Variants in TMEM108 observed in about 807,000 individuals in gnomAD.
TMEM108 encodes transmembrane protein 108.
TMEM108 carries 12 observed loss-of-function variants against 35.1 expected under a neutral mutation model. The ratio of observed to expected loss-of-function variants is 0.34; its 90% CI spans 0.22 to 0.55. The LOEUF (loss-of-function observed/expected upper bound fraction) is 0.55. TMEM108 is among the 20% of genes least tolerant of loss of function. The probability of loss-of-function intolerance (pLI) is 0.89; values close to 1 mark genes in which losing one functional copy is unlikely to be tolerated. For missense variants in TMEM108, 680 were observed against 753.3 expected, an observed-to-expected ratio of 0.90 and a Z score of 1.14; for synonymous variants, 287 against 308.6, an observed-to-expected ratio of 0.93 and a Z score of 0.73.
chr3:133,158,938 T>G (rs1314899434), intron 2 of TMEM108, among the ~76,000 whole-genome samples: 3 of 152,112 alleles, frequency 2.0e-5, no homozygotes, highest in African/African-American at 7.2e-5. Flanking sequence ...TCAGGCCATG[T>G]ATATGTGTTT....
chr3:133,227,211 T>C (rs1317407683), intron 2 of TMEM108, among the ~76,000 whole-genome samples: 1 of 66,600 alleles, frequency 1.5e-5, no homozygotes, highest in Non-Finnish European at 2.9e-5. Context: ...TTTTTTTTTT[T>C]TGAGACAGAG....
intron 3 of TMEM108, among the ~76,000 whole-genome samples, chr3:133,260,559 T>C (rs151247253): frequency 7.1e-4 from 108 of 152,236 alleles, no homozygotes; most frequent in African/African-American, 2.5e-3. Flanking sequence ...GGTCAGAGCA[T>C]AGTGGTGAGA....
chr3:133,109,051 A>G (rs1420057720), intron 2 of TMEM108, among the ~76,000 whole-genome samples: 3 of 152,146 alleles, frequency 2.0e-5, no homozygotes, highest in African/African-American at 7.2e-5. Flanking sequence ...TTGGCCTTGC[A>G]GGTGACCTCA....
At chr3:133,369,286 A>G (rs142470694) in intron 3 of TMEM108, among the ~76,000 whole-genome samples, 8 of 152,306 alleles carry the variant, frequency 5.3e-5, no homozygotes, top group Middle Eastern at 3.4e-3. Flanking sequence ...GAGACAGTCA[A>G]GTTGGGTTTT....
chr3:133,198,482 C>A (rs961197890), intron 2 of TMEM108, among the ~76,000 whole-genome samples: 4 of 152,184 alleles, frequency 2.6e-5, no homozygotes, highest in African/African-American at 9.7e-5. Context: ...TTGAATAATT[C>A]TACTGACTGA....
intron 2 of TMEM108, among the ~76,000 whole-genome samples, chr3:133,099,975 C>T (rs934960959): frequency 6.6e-6 from 1 of 152,138 alleles, no homozygotes. Flanking sequence ...AACACCTACT[C>T]CTGGTACTAA....
rs192003959 is a variant in TMEM108, at chr3:133,182,527, G to A, written c.-46-46739G>A. Among the ~76,000 whole-genome samples the A allele has an allele frequency of 4.7e-4, 72 of 152,250 alleles. 1 individual carries two copies. The highest frequency in any genetic ancestry group is 3.4e-3 in the Middle Eastern group (1 of 294). On this transcript the variant is annotated intron_variant, in intron 2 of 5. Transcript: ENST00000321871. ...GATAGTATACTGATGTCACGTTGAG[G>A]TCTTTATGTCTGCTGGTTTGAAGGT... is the stretch of plus-strand genomic sequence containing the variant.
At position 133,380,139 on chromosome 3, in the gene TMEM108, T is replaced by C. The variant is rs747897988; in HGVS notation, c.428T>C (p.Leu143Pro). The stretch of plus-strand genomic sequence containing the variant: ...GGGCAGGCTGCCCCCACCATCCTGC[T>C]GACAAAGCCACCGGGGGCCACCAGC... Reference protein sequence around the residue: ...PRGQAAPTILLTKPPGATSRP... With the variant: ...PRGQAAPTILPTKPPGATSRP... Residue 143 changes from leucine (L) to proline (P), a missense_variant, in exon 4 of 6, where the codon CTG becomes CCG. Leu to Pro is a moderately conservative substitution (Grantham distance 98). Coordinates refer to ENST00000321871, the MANE Select transcript of TMEM108 (RefSeq NM_023943.4). This position sits in a 1 kb window ranked among gnomAD's most constrained non-coding sequence, Gnocchi z 5.3. The C allele has an allele frequency of 5.0e-6, 8 of 1,613,582 alleles. No homozygotes were observed. The Admixed American group carries it at 1.2e-4, about 24-fold the overall frequency.
At chr3:133,298,072 T>A (rs1274630892) in intron 3 of TMEM108, among the ~76,000 whole-genome samples, 1 of 152,156 alleles carries the variant, frequency 6.6e-6, no homozygotes, top group Non-Finnish European at 1.5e-5. Context: ...CCTCCCCTGA[T>A]GAGCCACGCT....
At chr3:133,066,346 A>G (rs1202132871) in intron 2 of TMEM108, among the ~76,000 whole-genome samples, 3 of 152,132 alleles carry the variant, frequency 2.0e-5, no homozygotes, top group Non-Finnish European at 4.4e-5. Flanking sequence ...TTTATTTTAT[A>G]CCTTGTTCTA....
intron 3 of TMEM108, among the ~76,000 whole-genome samples, chr3:133,236,488 C>G (rs1026137276): frequency 1.3e-5 from 2 of 152,218 alleles, no homozygotes; most frequent in African/African-American, 4.8e-5. Flanking sequence ...CACAAACACA[C>G]ACACACAAAT....
At chr3:133,386,702 C>G in intron 4 of TMEM108, 2 of 1,382,252 alleles carry the variant, frequency 1.4e-6, no homozygotes, top group Non-Finnish European at 1.9e-6. Context: ...GGAAAGGGAA[C>G]AGTTAACATC....
intron 3 of TMEM108, among the ~76,000 whole-genome samples, chr3:133,286,292 A>G (rs1330362638): frequency 6.6e-6 from 1 of 152,212 alleles, no homozygotes; most frequent in East Asian, 1.9e-4. Flanking sequence ...GAAGCAGCAA[A>G]GAATCTGTGG....
At chr3:133,334,574 C>G (rs934618154) in intron 3 of TMEM108, among the ~76,000 whole-genome samples, 10 of 152,018 alleles carry the variant, frequency 6.6e-5, no homozygotes, top group African/African-American at 2.4e-4. Context: ...GGTTATGGTC[C>G]TTGGAGAGAA....
intron 2 of TMEM108, among the ~76,000 whole-genome samples, chr3:133,205,880 TC>T (rs1382042817): frequency 6.6e-6 from 1 of 152,204 alleles, no homozygotes; most frequent in Non-Finnish European, 1.5e-5. Flanking sequence ...CTGGATAATA[TC>T]CTGAAGAGTG....
chr3:133,315,798 C>G (rs2071191802), intron 3 of TMEM108, among the ~76,000 whole-genome samples: 1 of 152,158 alleles, frequency 6.6e-6, no homozygotes, highest in South Asian at 2.1e-4. Context: ...AATGGACAAC[C>G]CCTACAAATA....
intron 2 of TMEM108, among the ~76,000 whole-genome samples, chr3:133,154,796 G>A (rs1157667031): frequency 1.3e-5 from 2 of 152,034 alleles, no homozygotes; most frequent in Admixed American, 6.6e-5. Flanking sequence ...CACCAACATG[G>A]CACATGTATA....
chr3:133,305,538 A>ATAAAT lies in TMEM108; in HGVS notation c.41-74214_41-74213insTAAAT, dbSNP rs78637267. On this transcript the variant is annotated intron_variant, in intron 3 of 5. Coordinates refer to ENST00000321871, the MANE Select transcript of TMEM108 (RefSeq NM_023943.4). ...ATAAAATAAATAAATAAATAAATAA[A>ATAAAT]AGAAAGATGCCTATGAATATTCATA... 1.1e-3 allele frequency among the ~76,000 whole-genome samples: 170 copies of ATAAAT among 151,876 alleles called. No homozygotes were observed. In the East Asian group the frequency reaches 0.022, roughly 19 times the overall value.
intron 2 of TMEM108, among the ~76,000 whole-genome samples, chr3:133,180,062 A>C (rs911751556): frequency 1.3e-5 from 2 of 152,182 alleles, no homozygotes; most frequent in Non-Finnish European, 2.9e-5. Flanking sequence ...CCTTGGATTA[A>C]GGCTTATAAT....
Sources: gnomAD v4.1 joint callset for allele counts (sites outside exome capture counted in the v4.1 genomes callset) on GRCh38, gnomAD v4.1.1 for gene constraint, Gnocchi (gnomAD v3.1) non-coding constraint, MANE v1.5 for transcripts, NCBI Gene and HGNC (gene_info 2026-07-23, HGNC 2026-07-21) for gene names.